The following LYSMD1 variants were observed in gnomAD, a reference collection of about 807,000 sequenced individuals.
The protein encoded by LYSMD1 is lysM and putative peptidoglycan-binding domain-containing protein 1.
Under a neutral mutation model 19.3 loss-of-function variants are expected in LYSMD1, and 9 were observed. The observed-to-expected ratio is 0.47, with a 90% CI of 0.28 to 0.81. The LOEUF is 0.81. LYSMD1 is among the 40% of genes least tolerant of loss of function. The pLI, the probability that LYSMD1 is intolerant of heterozygous loss-of-function variation, is 0.11. For missense variants in LYSMD1, 262 were observed against 279.8 expected (o/e 0.94, Z 0.45); for synonymous variants, 111 against 111.7 (o/e 0.99, Z 0.04).
chr1:151,162,259 T>C (rs1683484582), intron 1 of LYSMD1, among the ~76,000 whole-genome samples, 159 bp from the exon 2 acceptor site: 2 of 152,182 alleles, frequency 1.3e-5, no homozygotes, highest in African/African-American at 4.8e-5. Flanking sequence ...TGAGTGGTTT[T>C]CACACTTTTT....
chr1:151,162,012 G>T lies in LYSMD1; in HGVS notation c.269C>A (p.Pro90His). The T allele has an allele frequency of 6.2e-7, 1 of 1,613,738 alleles. No individual in the cohort carries two copies. The highest frequency in any genetic ancestry group is 1.6e-4 in the Middle Eastern group (1 of 6,062). The change falls in exon 2 of 3, where the codon CCC becomes CAC. Residue 90 changes from proline to histidine, a missense_variant. Transcript: ENST00000368908. ...GTCCAAACCATTGAACAGGTCTCTG[G>T]GCTCTGTCAGGATGGGGATGTAGAG... is the stretch of plus-strand genomic sequence containing the variant. ...KTLYIPILTE[P>H]RDLFNGLDSE...
In LYSMD1 at chr1:151,161,771, C is replaced by T. The variant is rs1245372502; in HGVS notation, c.510G>A (p.Lys170=). Residue 170 remains lysine (K), a synonymous_variant, in exon 2 of 3, where the codon AAG becomes AAA. Transcript: ENST00000368908. ...KLDSQISLSK[K]AAAQKLKKGE... ...CTTTTTTCAGCTTCTGAGCAGCAGCCTTCTTGGACAGGCTGATCTGTGAAT... is the reference window on the plus strand; with the variant it reads ...CTTTTTTCAGCTTCTGAGCAGCAGCTTTCTTGGACAGGCTGATCTGTGAAT... The T allele has an allele frequency of 1.2e-6, 2 of 1,612,396 alleles. No homozygotes were observed. Among genetic ancestry groups the T allele is most frequent in the Non-Finnish European group, 1.7e-6 (2 of 1,179,578 alleles).
At chr1:151,156,967 T>C (rs1343084580), downstream of LYSMD1, among the ~76,000 whole-genome samples, 1 of 151,830 alleles carries the variant, frequency 6.6e-6, no homozygotes, top group East Asian at 1.9e-4. Flanking sequence ...GTGTGCGAAA[T>C]GCAAGGAAAT....
intron 2 of LYSMD1, 97 bp downstream of exon 2, chr1:151,161,639 T>C (rs1432913382): frequency 3.4e-6 from 5 of 1,479,920 alleles, no homozygotes; most frequent in Non-Finnish European, 3.6e-6. Context: ...CTTGCCTCTG[T>C]TGGCACTGTC....
Position 151,165,419 on chromosome 1 carries a change from C to T in LYSMD1, c.-161G>A. 1 of 1,437,510 alleles carries T rather than the reference C, an allele frequency of 7.0e-7. No individual in the cohort carries two copies. Among genetic ancestry groups the T allele is most frequent in the African/African-American group, 1.4e-5 (1 of 69,850 alleles). The allele number at this position is 1,437,510 out of a possible 1,614,324, so 89.0% of individuals were successfully genotyped here. A position where few individuals can be genotyped will look rare whatever the true frequency, so the allele number is the denominator to read the frequency against. On this transcript the variant is annotated 5_prime_UTR_variant, in exon 1 of 3. Coordinates refer to ENST00000368908, the MANE Select transcript of LYSMD1 (RefSeq NM_212551.5). ...CCAGCACTACGCCATCTGCCCCCTC[C>T]CGGTTTCTCCTCCCTCCAAGCTACT...
Position 151,160,702 on chromosome 1 carries a change from A to G in LYSMD1, c.*180T>C. The G allele has an allele frequency of 1.7e-6, 1 of 604,570 alleles. No individual in the cohort carries two copies. The highest frequency in any genetic ancestry group is 2.8e-6 in the Non-Finnish European group (1 of 356,438). The allele number at this position is 604,570 out of a possible 1,614,324, so 37.5% of individuals were successfully genotyped here. On this transcript the variant is annotated 3_prime_UTR_variant, in exon 3 of 3. Coordinates refer to ENST00000368908, the MANE Select transcript of LYSMD1 (RefSeq NM_212551.5). ...GGGAAAGGTCCAGTTCCCATTCCCT[A>G]ATCTTGCCAATAAAACTGCCCCAGG...
At chr1:151,161,648 T>A in intron 2 of LYSMD1, 88 bp downstream of exon 2, 1 of 1,527,152 alleles carries the variant, frequency 6.5e-7, no homozygotes, top group Non-Finnish European at 8.8e-7. Context: ...GTTGGCACTG[T>A]CCTTACTTAC....
chr1:151,157,445 C>G (rs1388390254), downstream of LYSMD1, among the ~76,000 whole-genome samples: 1 of 152,128 alleles, frequency 6.6e-6, no homozygotes. Flanking sequence ...AGGCGAAGAC[C>G]ATGGGGAGAG....
chr1:151,164,827 G>A (rs1683605467), intron 1 of LYSMD1, among the ~76,000 whole-genome samples: 2 of 152,200 alleles, frequency 1.3e-5, no homozygotes, highest in Admixed American at 6.5e-5. Context: ...ACAGATGTGA[G>A]GGTGAAATGA....
At chr1:151,165,053 C>T in intron 1 of LYSMD1, 26 bp downstream of exon 1, 1 of 1,604,702 alleles carries the variant, frequency 6.2e-7, no homozygotes, top group African/African-American at 1.3e-5. Context: ...TGACTGTTGT[C>T]TTCACCCCAA....
At chr1:151,150,208 G>A in the LYSMD1 span, among the ~76,000 whole-genome samples, 16 of 151,906 alleles carry the variant, frequency 1.1e-4, no homozygotes, top group African/African-American at 1.7e-4. Context: ...CTCCTGCCTC[G>A]GCCTCTCGAA....
chr1:151,158,643 G>GA, downstream of LYSMD1: 1 of 1,424,304 alleles, frequency 7.0e-7, no homozygotes, highest in South Asian at 1.4e-5. Context: ...TCTTTCTAAG[G>GA]AAGCCTGTGG....
intron 1 of LYSMD1, among the ~76,000 whole-genome samples, chr1:151,164,335 G>T (rs1404764788): frequency 6.6e-6 from 1 of 152,180 alleles, no homozygotes; most frequent in African/African-American, 2.4e-5. Context: ...TCCCAGAAAA[G>T]TTATCACAGT....
the LYSMD1 span, among the ~76,000 whole-genome samples, chr1:151,150,736 C>CTTTTCTTTT: frequency 1.6e-5 from 2 of 125,128 alleles, no homozygotes; most frequent in African/African-American, 7.0e-5. Flanking sequence ...CTTTTCTTTT[C>CTTTTCTTTT]TTTTTTTTTT....
intron 1 of LYSMD1, among the ~76,000 whole-genome samples, chr1:151,162,948 T>C (rs1241930275): frequency 6.6e-6 from 1 of 152,188 alleles, no homozygotes; most frequent in Non-Finnish European, 1.5e-5. Flanking sequence ...ATTAACCCAC[T>C]ACCCACCTAT....
downstream of LYSMD1, chr1:151,159,287 A>G: frequency 1.3e-6 from 2 of 1,576,172 alleles, no homozygotes; most frequent in Middle Eastern, 1.7e-4. Flanking sequence ...CCTTGACAAA[A>G]TGGTTGACTG....
At chr1:151,148,910 G>A in the LYSMD1 span, among the ~76,000 whole-genome samples, 1 of 151,488 alleles carries the variant, frequency 6.6e-6, no homozygotes, top group South Asian at 2.1e-4. Flanking sequence ...GGAGTAGGAC[G>A]TCATTTTAAA....
the LYSMD1 span, among the ~76,000 whole-genome samples, chr1:151,149,686 G>A: frequency 6.6e-6 from 1 of 152,164 alleles, no homozygotes; most frequent in Non-Finnish European, 1.5e-5. Flanking sequence ...AGGAGGCGGA[G>A]CTTGCAGTGA....
At chr1:151,154,205 C>T in the LYSMD1 span, among the ~76,000 whole-genome samples, 3 of 151,782 alleles carry the variant, frequency 2.0e-5, no homozygotes, top group South Asian at 2.1e-4. Flanking sequence ...TACAGACGGG[C>T]GCTATGGCTC....
Sources: gnomAD v4.1 joint callset for allele counts (sites outside exome capture counted in the v4.1 genomes callset) on GRCh38, gnomAD v4.1.1 for gene constraint, MANE v1.5 for transcripts, NCBI Gene and HGNC (gene_info 2026-07-23, HGNC 2026-07-21) for gene names.